DCBLD1: variants seen among roughly 807,000 people sequenced by gnomAD.
DCBLD1 encodes the protein discoidin, CUB and LCCL domain containing 1.
Under a neutral mutation model 71.5 loss-of-function variants are expected in DCBLD1, and 57 were observed. That is an observed-to-expected ratio of 0.80 (90% CI 0.64 to 0.99). DCBLD1 has a LOEUF of 0.99. DCBLD1 is among the 50% of genes least tolerant of loss of function. DCBLD1 has a pLI of 0.00. For missense variants in DCBLD1, 891 were observed against 923.5 expected, an observed-to-expected ratio of 0.96 and a Z score of 0.46; for synonymous variants, 380 against 363.8, an observed-to-expected ratio of 1.04 and a Z score of -0.51.
intron 14 of DCBLD1, among the ~76,000 whole-genome samples, chr6:117,546,822 C>T (rs944292156): frequency 1.3e-5 from 2 of 152,174 alleles, no homozygotes; most frequent in Non-Finnish European, 2.9e-5. Flanking sequence ...CCATAATTCT[C>T]AGCAGCCTGC....
At position 117,482,851 on chromosome 6, in the gene DCBLD1, C is replaced by T; in HGVS notation, c.70C>T (p.Leu24Phe). 8.4e-7 allele frequency: 1 copy of T among 1,184,080 alleles called. No individual in the cohort carries two copies. Among genetic ancestry groups the T allele is most frequent in the Non-Finnish European group, 1.0e-6 (1 of 957,644 alleles). The allele number at this position is 1,184,080 out of a possible 1,614,324, so 73.3% of individuals were successfully genotyped here. A position where few individuals can be genotyped will look rare whatever the true frequency, so the allele number is the denominator to read the frequency against. ...CGGGCGGGGCCTCCTGGCTTTGCTGCTCGCGGTCTCCGCCCCGCTCCGGCT... is the reference window on the plus strand; with the variant it reads ...CGGGCGGGGCCTCCTGGCTTTGCTGTTCGCGGTCTCCGCCCCGCTCCGGCT... ...AAGRGLLALLLAVSAPLRLQA... is the reference protein window; with the variant it reads ...AAGRGLLALLFAVSAPLRLQA... The change falls in exon 1 of 15, where the codon CTC (leucine) becomes TTC (phenylalanine). Residue 24 changes from leucine to phenylalanine, a missense_variant. By Grantham distance (22) the Leu-to-Phe change is conservative. Coordinates refer to ENST00000338728, the MANE Select transcript of DCBLD1 (RefSeq NM_001366458.2).
chr6:117,503,842 C>G lies in DCBLD1; in HGVS notation c.188C>G (p.Pro63Arg), dbSNP rs201734669. 7 of 1,613,920 alleles carry G rather than the reference C, an allele frequency of 4.3e-6. 1 individual carries two copies. The South Asian group carries it at 6.6e-5, about 15-fold the overall frequency. ...MTSKNYPGTY[P>R]NHTVCEKTIT... The stretch of plus-strand genomic sequence containing the variant: ...TCTAAGAATTATCCCGGGACCTACC[C>G]CAATCACACTGTTTGCGAAAAGACA... Residue 63 changes from proline to arginine, a missense_variant, in exon 2 of 15, where the codon CCC becomes CGC. Physicochemically the swap from Pro to Arg is moderately radical, Grantham distance 103. Transcript: ENST00000338728.
Position 117,547,983 on chromosome 6 carries a change from T to A in DCBLD1, c.1692T>A (p.Asp564Glu). The change falls in exon 15 of 15, where the codon GAT becomes GAA. Residue 564 changes from aspartate to glutamate, a missense_variant. Asp to Glu is a conservative substitution (Grantham distance 45, BLOSUM62 2). Coordinates refer to ENST00000338728, the MANE Select transcript of DCBLD1 (RefSeq NM_001366458.2). ...KGSTFRPMDT[D>E]AEEAGVSTDA... Reference sequence around the variant, plus strand: ...CCACCTTCCGGCCCATGGACACGGATGCCGAGGAGGCAGGGGTGAGCACCG... The same window carrying A: ...CCACCTTCCGGCCCATGGACACGGAAGCCGAGGAGGCAGGGGTGAGCACCG... The A allele has an allele frequency of 1.3e-6, 2 of 1,550,516 alleles. No homozygotes were observed. Among genetic ancestry groups the A allele is most frequent in the Admixed American group, 2.0e-5 (1 of 50,998 alleles).
In DCBLD1 at chr6:117,545,488, G is replaced by A; in HGVS notation, c.1506G>A (p.Lys502=). ...SAEAQKTDCW[K]QIKYPFARHQ... The stretch of plus-strand genomic sequence containing the variant: ...TTACCTTTATTCCAGACTGTTGGAA[G>A]CAGATTAAATATCCCTTTGCCAGAC... Residue 502 remains lysine (K), a synonymous_variant, in exon 14 of 15, where the codon AAG becomes AAA. Coordinates refer to ENST00000338728, the MANE Select transcript of DCBLD1 (RefSeq NM_001366458.2). The A allele has an allele frequency of 6.2e-7, 1 of 1,614,048 alleles. No homozygotes were observed. The highest frequency in any genetic ancestry group is 8.5e-7 in the Non-Finnish European group (1 of 1,179,962).
downstream of DCBLD1, among the ~76,000 whole-genome samples, chr6:117,552,121 G>T (rs1022731506): frequency 6.6e-6 from 1 of 151,606 alleles, no homozygotes; most frequent in African/African-American, 2.4e-5. Flanking sequence ...CCATGTTTTT[G>T]TTGTTGTTGT....
intron 4 of DCBLD1, among the ~76,000 whole-genome samples, chr6:117,522,495 G>A (rs1477689706): frequency 1.3e-5 from 2 of 151,784 alleles, no homozygotes; most frequent in African/African-American, 4.8e-5. Flanking sequence ...AGGCTGGAGT[G>A]CAGTGGTATA....
downstream of DCBLD1, among the ~76,000 whole-genome samples, chr6:117,550,938 AG>A (rs755388453): frequency 1.3e-5 from 2 of 152,186 alleles, no homozygotes; most frequent in African/African-American, 2.4e-5. Context: ...CCCTCCAATG[AG>A]AAGCTAGGGT....
At chr6:117,565,594 C>T (rs542009066) in intron 14 of DCBLD1, among the ~76,000 whole-genome samples, 13 of 152,210 alleles carry the variant, frequency 8.5e-5, no homozygotes, top group African/African-American at 2.9e-4. Flanking sequence ...TTTACTGTAT[C>T]AAAAAATCAC....
At chr6:117,487,492 T>C (rs1038973140) in intron 1 of DCBLD1, among the ~76,000 whole-genome samples, 3 of 152,024 alleles carry the variant, frequency 2.0e-5, no homozygotes, top group African/African-American at 7.2e-5. Context: ...CCAGGTGTCG[T>C]GGTGTCCTGT....
chr6:117,547,795 C>T, intron 14 of DCBLD1, 112 bp from the exon 15 acceptor site: 1 of 1,542,262 alleles, frequency 6.5e-7, no homozygotes, highest in Non-Finnish European at 8.8e-7. Context: ...CACCTGAGGG[C>T]ACCCGGGGGG....
At chr6:117,524,727 T>G (rs1269263227) in intron 4 of DCBLD1, among the ~76,000 whole-genome samples, 1 of 152,188 alleles carries the variant, frequency 6.6e-6, no homozygotes, top group East Asian at 1.9e-4. Flanking sequence ...TATTTCTGTT[T>G]ATTACATTTA....
At chr6:117,499,741 G>A (rs1420829361) in intron 1 of DCBLD1, among the ~76,000 whole-genome samples, 1 of 152,140 alleles carries the variant, frequency 6.6e-6, no homozygotes, top group Non-Finnish European at 1.5e-5. Context: ...AGATTTTTAA[G>A]TAACTTTTGT....
At chr6:117,525,197 G>A (rs976643395) in intron 4 of DCBLD1, among the ~76,000 whole-genome samples, 165 bp from the exon 5 acceptor site, 8 of 152,010 alleles carry the variant, frequency 5.3e-5, no homozygotes, top group Admixed American at 3.9e-4. Context: ...GCCTTCAGAT[G>A]AACATTATAG....
chr6:117,485,371 A>C (rs1478866395), intron 1 of DCBLD1, among the ~76,000 whole-genome samples: 1 of 152,192 alleles, frequency 6.6e-6, no homozygotes, highest in Non-Finnish European at 1.5e-5. Context: ...ATACTTAAGA[A>C]TTGCTTCAAA....
intron 1 of DCBLD1, among the ~76,000 whole-genome samples, chr6:117,488,149 A>C (rs923925542): frequency 1.3e-5 from 2 of 152,220 alleles, no homozygotes; most frequent in Non-Finnish European, 2.9e-5. Context: ...GATGAATCTC[A>C]GCCTCTTCTT....
chr6:117,519,773 G>C (rs1778322895), intron 2 of DCBLD1, 43 bp from the exon 3 acceptor site: 1 of 1,589,368 alleles, frequency 6.3e-7, no homozygotes, highest in South Asian at 1.1e-5. Flanking sequence ...CATTTGTGCT[G>C]GTATAAATTT....
At chr6:117,559,721 T>C (rs891330892) in intron 14 of DCBLD1, among the ~76,000 whole-genome samples, 1 of 152,190 alleles carries the variant, frequency 6.6e-6, no homozygotes, top group African/African-American at 2.4e-5. Flanking sequence ...TTCTTTAAGG[T>C]TAGTTATAAA....
At chr6:117,502,709 C>G (rs1329993681) in intron 1 of DCBLD1, among the ~76,000 whole-genome samples, 1 of 152,152 alleles carries the variant, frequency 6.6e-6, no homozygotes, top group Non-Finnish European at 1.5e-5. Context: ...CTTTCTGCTT[C>G]TCTCCCTCCA....
chr6:117,500,958 C>T (rs1400921973), intron 1 of DCBLD1, among the ~76,000 whole-genome samples: 2 of 151,008 alleles, frequency 1.3e-5, no homozygotes, highest in African/African-American at 4.9e-5. Flanking sequence ...TAGGTTGACT[C>T]ATATAATTGC....
Sources: allele counts gnomAD v4.1 joint callset (sites outside exome capture counted in the v4.1 genomes callset), GRCh38; gene constraint gnomAD v4.1.1; transcripts MANE v1.5; gene names NCBI Gene and HGNC (gene_info 2026-07-23, HGNC 2026-07-21).